The following KIF3C variants were observed in gnomAD, a reference collection of about 807,000 sequenced individuals.
KIF3C encodes kinesin-like protein KIF3C.
A neutral mutation model predicts 67.7 loss-of-function variants in KIF3C; 12 were observed. That is an observed-to-expected ratio of 0.18 (90% CI 0.11 to 0.29). The LOEUF (loss-of-function observed/expected upper bound fraction) is 0.29, where lower values mean the gene tolerates loss of function less well. Ranked by LOEUF, KIF3C falls within the 10% of genes least tolerant of loss-of-function variation. The pLI is 1.00. For synonymous variants in KIF3C, 393 were observed against 426.2 expected, an observed-to-expected ratio of 0.92 and a Z score of 0.96; for missense variants, 789 against 1,059.6, an observed-to-expected ratio of 0.74 and a Z score of 3.55.
chr2:25,970,354 G>A (rs1046041135), intron 1 of KIF3C, among the ~76,000 whole-genome samples: 1 of 152,130 alleles, frequency 6.6e-6, no homozygotes, highest in African/African-American at 2.4e-5. Context: ...GAAGCAAAAT[G>A]ATACACATAA....
rs902695529 is a variant in KIF3C, at chr2:25,932,005, T to G, written c.2007-1942A>C. On this transcript the variant is annotated intron_variant, in intron 5 of 7. Transcript: ENST00000264712. ...TTGTGTGTTGTTTCTTCTGTTTTGT[T>G]TTTTTTTTTTTTTTTTGGAAACGGA... Among the ~76,000 whole-genome samples, 54 of 146,112 alleles carry G rather than the reference T, an allele frequency of 3.7e-4. 1 individual carries two copies. In the South Asian group the frequency reaches 8.8e-3, roughly 24 times the overall value.
intron 1 of KIF3C, among the ~76,000 whole-genome samples, chr2:25,977,412 A>G (rs745565277): frequency 6.6e-6 from 1 of 152,268 alleles, no homozygotes; most frequent in East Asian, 1.9e-4. Flanking sequence ...AGTTGATGCC[A>G]TAACTCAGAA....
chr2:25,951,757 C>T (rs752307620), intron 5 of KIF3C, 32 bp downstream of exon 5: 2 of 1,491,588 alleles, frequency 1.3e-6, no homozygotes, highest in Non-Finnish European at 1.9e-6. Context: ...CCCACAAGTC[C>T]CCCAGCCCAG....
Position 25,928,796 on chromosome 2 carries a change from T to G in KIF3C, c.*182A>C. On this transcript the variant is annotated 3_prime_UTR_variant, in exon 8 of 8. Coordinates refer to ENST00000264712, the MANE Select transcript of KIF3C (RefSeq NM_002254.8). The stretch of plus-strand genomic sequence containing the variant: ...AACAGAGCTCCGCGAATAAATAACA[T>G]GAATTAAATAAAGGAGGCGAAGAAG... 1.8e-6 allele frequency: 1 copy of G among 566,444 alleles called. No individual in the cohort carries two copies. 35.1% of individuals were successfully genotyped at this position (566,444 alleles called of 1,614,324 possible). A position where few individuals can be genotyped will look rare whatever the true frequency, so the allele number is the denominator to read the frequency against.
chr2:25,962,835 AAATATAT>A (rs1424014409), intron 1 of KIF3C, among the ~76,000 whole-genome samples: 12 of 59,554 alleles, frequency 2.0e-4, no homozygotes, highest in Admixed American at 1.6e-3. Context: ...AAAATATATA[AAATATAT>A]AATATATAAT....
chr2:25,970,252 C>G (rs1011381503), intron 1 of KIF3C, among the ~76,000 whole-genome samples: 4 of 152,194 alleles, frequency 2.6e-5, no homozygotes, highest in Non-Finnish European at 5.9e-5. Flanking sequence ...CTGGCCCTAC[C>G]ACTTTCTAGG....
At position 25,929,449 on chromosome 2, in the gene KIF3C, T is replaced by A. The variant is rs767772583; in HGVS notation, c.2144A>T (p.Asp715Val). 3 of 1,613,876 alleles carry A rather than the reference T, an allele frequency of 1.9e-6. No homozygotes were observed. Among genetic ancestry groups the A allele is most frequent in the Non-Finnish European group, 2.5e-6 (3 of 1,179,948 alleles). ...RAENIMFLEL[D>V]VSPPAVFEME... is the part of the protein sequence containing the mutation. ...CTCAAAGACAGCTGGAGGGGACACA[T>A]CCAACTCCAGAAACATTATGTTTTC... The change falls in exon 7 of 8, where the codon GAT becomes GTT. Residue 715 changes from aspartate (D) to valine (V), a missense_variant. Transcript: ENST00000264712.
chr2:25,946,969 T>C (rs1341330096), intron 5 of KIF3C, among the ~76,000 whole-genome samples: 1 of 151,738 alleles, frequency 6.6e-6, no homozygotes, highest in African/African-American at 2.4e-5. Context: ...CTGGCCAACA[T>C]GGTGAAACCC....
At chr2:25,979,162 C>T (rs58419115) in intron 1 of KIF3C, among the ~76,000 whole-genome samples, 1,777 of 152,102 alleles carry the variant, frequency 0.012, 27 homozygotes, top group African/African-American at 0.04. Context: ...TCCTTCCTTC[C>T]ACCCCTAGTG....
intron 5 of KIF3C, among the ~76,000 whole-genome samples, chr2:25,930,472 C>T (rs1231664133): frequency 2.6e-5 from 4 of 152,184 alleles, no homozygotes; most frequent in East Asian, 1.9e-4. Context: ...AATTCTCCTG[C>T]GTCAGCCTCC....
At chr2:25,931,147 T>C (rs1307777349) in intron 5 of KIF3C, among the ~76,000 whole-genome samples, 2 of 152,154 alleles carry the variant, frequency 1.3e-5, no homozygotes, top group Non-Finnish European at 2.9e-5. Context: ...GTTTCAGGCA[T>C]CCACTAGAGG....
At chr2:25,974,447 T>C (rs1664360351) in intron 1 of KIF3C, among the ~76,000 whole-genome samples, 2 of 151,746 alleles carry the variant, frequency 1.3e-5, no homozygotes, top group South Asian at 4.2e-4. Flanking sequence ...GTGATCCTCC[T>C]GCTTCTGTCT....
chr2:25,934,028 C>A, intron 5 of KIF3C: 1 of 408,816 alleles, frequency 2.4e-6, no homozygotes, highest in Non-Finnish European at 5.1e-6. Context: ...TGGAATATTA[C>A]TCACCAATAC....
rs903247937 is a variant in KIF3C at position 25,958,530 on chromosome 2, G to A, written c.1546-2086C>T. On this transcript the variant is annotated intron_variant, in intron 1 of 7. Transcript: ENST00000264712. The surrounding 1 kb of genome is among the most constrained non-coding windows in gnomAD (Gnocchi z 4.5). ...AGGGAGGCAGAGGCTGCAGTGAGCC[G>A]AGATCACGCCACTGCACTCCAGCCT... 2.0e-5 allele frequency among the ~76,000 whole-genome samples: 3 copies of A among 152,068 alleles called. No individual in the cohort carries two copies. The highest frequency in any genetic ancestry group is 2.1e-4 in the South Asian group (1 of 4,824).
intron 1 of KIF3C, among the ~76,000 whole-genome samples, chr2:25,971,915 T>C (rs1664296378): frequency 7.2e-6 from 1 of 138,208 alleles, no homozygotes; most frequent in Non-Finnish European, 1.5e-5. Context: ...TTTGTAGAGA[T>C]GGGGTCTGGC....
At chr2:25,954,483 G>C (rs191749905) in intron 3 of KIF3C, 98 bp from the exon 4 acceptor site, 2 of 860,586 alleles carry the variant, frequency 2.3e-6, no homozygotes, top group Non-Finnish European at 3.7e-6. Context: ...AGAGTCTACC[G>C]ACTCAGCCCA....
intron 5 of KIF3C, among the ~76,000 whole-genome samples, chr2:25,945,948 CA>C (rs1663421381): frequency 6.6e-6 from 1 of 150,610 alleles, no homozygotes; most frequent in Non-Finnish European, 1.5e-5. Context: ...CCGTCTCTAC[CA>C]AAAATACAAA....
intron 1 of KIF3C, among the ~76,000 whole-genome samples, chr2:25,968,495 G>A (rs1355740960): frequency 6.6e-6 from 1 of 152,114 alleles, no homozygotes; most frequent in African/African-American, 2.4e-5. Context: ...TCAGATCAAT[G>A]CTTATCTTCA....
At chr2:25,973,772 T>C (rs1188977483) in intron 1 of KIF3C, among the ~76,000 whole-genome samples, 1 of 152,056 alleles carries the variant, frequency 6.6e-6, no homozygotes, top group Non-Finnish European at 1.5e-5. Context: ...ACAAAAACAG[T>C]GCAATCAGCA....
Sources: allele counts gnomAD v4.1 joint callset (sites outside exome capture counted in the v4.1 genomes callset), GRCh38; gene constraint gnomAD v4.1.1; non-coding constraint Gnocchi (gnomAD v3.1); transcripts MANE v1.5; gene names NCBI Gene and HGNC (gene_info 2026-07-23, HGNC 2026-07-21).